Variants in ROR2 observed in about 807,000 individuals in gnomAD.
The protein encoded by ROR2 is tyrosine-protein kinase transmembrane receptor ROR2.
ROR2 carries 33 observed loss-of-function variants against 74.9 expected under a neutral mutation model. That is an observed-to-expected ratio of 0.44 (90% CI 0.33 to 0.59). ROR2 has a LOEUF of 0.59. Ranked by LOEUF, ROR2 falls within the 20% of genes least tolerant of loss-of-function variation. The probability of loss-of-function intolerance (pLI) is 0.02; values close to 1 mark genes in which losing one functional copy is unlikely to be tolerated. For synonymous variants in ROR2, 586 were observed against 558.7 expected (o/e 1.05, Z -0.69); for missense variants, 1,216 against 1,313.8 (o/e 0.93, Z 1.15).
At chr9:91,804,283 T>C (rs1827480491) in intron 1 of ROR2, among the ~76,000 whole-genome samples, 1 of 152,200 alleles carries the variant, frequency 6.6e-6, no homozygotes, top group Non-Finnish European at 1.5e-5. Context: ...CTCTCTCTCC[T>C]GTGTTCCAGC....
chr9:91,872,539 T>C (rs1043948484), intron 1 of ROR2, among the ~76,000 whole-genome samples: 1 of 152,250 alleles, frequency 6.6e-6, no homozygotes, highest in Non-Finnish European at 1.5e-5. Flanking sequence ...ACTAGTAAGT[T>C]ACCTCTTCTT....
intron 1 of ROR2, among the ~76,000 whole-genome samples, chr9:91,897,590 G>A (rs1358973531): frequency 2.0e-5 from 3 of 146,908 alleles, no homozygotes; most frequent in Non-Finnish European, 4.5e-5. Flanking sequence ...CAGGTGGGGG[G>A]AACCACCTGG....
chr9:91,752,557 T>C (rs1423999599), intron 4 of ROR2, among the ~76,000 whole-genome samples: 1 of 152,144 alleles, frequency 6.6e-6, no homozygotes, highest in Non-Finnish European at 1.5e-5. Context: ...AAAATCAGAA[T>C]AGTGGGTGCC....
chr9:91,802,655 T>A (rs1827425578), intron 1 of ROR2, among the ~76,000 whole-genome samples: 1 of 151,500 alleles, frequency 6.6e-6, no homozygotes, highest in Non-Finnish European at 1.5e-5. Flanking sequence ...AAACTCCAGT[T>A]TCAACAGCAC....
intron 1 of ROR2, among the ~76,000 whole-genome samples, chr9:91,858,971 G>C (rs572385857): frequency 1.3e-5 from 2 of 152,194 alleles, no homozygotes; most frequent in African/African-American, 4.8e-5. Flanking sequence ...GGTGTCACCG[G>C]GGACACCAGG....
chr9:91,820,687 C>T (rs2312732), intron 1 of ROR2, among the ~76,000 whole-genome samples: 71,169 of 152,070 alleles, frequency 0.47, 21,065 homozygotes, highest in African/African-American at 0.83. Context: ...CCCAAAATCA[C>T]ATATTGAAGT....
At chr9:91,781,261 C>G (rs925842611) in intron 1 of ROR2, among the ~76,000 whole-genome samples, 1 of 152,174 alleles carries the variant, frequency 6.6e-6, no homozygotes, top group African/African-American at 2.4e-5. Flanking sequence ...GTGCTGCAAA[C>G]CAGACACCCC....
chr9:91,738,192 A>G (rs1489711122), intron 4 of ROR2, among the ~76,000 whole-genome samples: 5 of 152,244 alleles, frequency 3.3e-5, no homozygotes, highest in Non-Finnish European at 7.3e-5. Flanking sequence ...GCTCAGCAGC[A>G]ATAAATGTCT....
At chr9:91,933,300 G>A (rs1436290164) in intron 1 of ROR2, among the ~76,000 whole-genome samples, 2 of 152,046 alleles carry the variant, frequency 1.3e-5, no homozygotes, top group Non-Finnish European at 2.9e-5. Flanking sequence ...TGGGCGACAG[G>A]GCCAGACTGT....
At chr9:91,784,943 A>AG (rs1826744884) in intron 1 of ROR2, among the ~76,000 whole-genome samples, 1 of 152,200 alleles carries the variant, frequency 6.6e-6, no homozygotes, top group East Asian at 1.9e-4. Context: ...CAGCACCTGA[A>AG]GAGCAGCATG....
At chr9:91,936,667 C>T (rs904920141) in intron 1 of ROR2, among the ~76,000 whole-genome samples, 2 of 152,128 alleles carry the variant, frequency 1.3e-5, no homozygotes, top group African/African-American at 2.4e-5. Context: ...ATTATAATGG[C>T]CATAAAAACT....
intron 3 of ROR2, 112 bp from the exon 4 acceptor site, chr9:91,756,213 G>A: frequency 2.0e-6 from 2 of 1,018,938 alleles, no homozygotes; most frequent in Non-Finnish European, 3.1e-6. Context: ...TCACTGGTGG[G>A]CAGCTGTCCT....
At chr9:91,812,329 A>G (rs1827780713) in intron 1 of ROR2, among the ~76,000 whole-genome samples, 1 of 152,100 alleles carries the variant, frequency 6.6e-6, no homozygotes, top group African/African-American at 2.4e-5. Context: ...CGTTGAGATT[A>G]CCCGATCCTT....
intron 5 of ROR2, among the ~76,000 whole-genome samples, chr9:91,736,890 T>A (rs1034009541): frequency 1.3e-5 from 2 of 152,168 alleles, no homozygotes; most frequent in Admixed American, 1.3e-4. Context: ...AAAGTGTGTG[T>A]TCACTGCAGC....
In ROR2 at chr9:91,757,526, T is replaced by C. The variant is rs772202601; in HGVS notation, c.209A>G (p.Asn70Ser). ...YFLNFLEPVN[N>S]ITIVQGQTAI... ...CGTCTGGCCTTGGACAATGGTGATA[T>C]TGTTTACTGGCTCCAGAAAATTCAG... The change falls in exon 3 of 9, where the codon AAT becomes AGT. Residue 70 changes from asparagine (N) to serine (S), a missense_variant. Coordinates refer to ENST00000375708, the MANE Select transcript of ROR2 (RefSeq NM_004560.4). 5 of 1,613,616 alleles carry C rather than the reference T, an allele frequency of 3.1e-6. No individual in the cohort carries two copies. The South Asian group carries it at 3.3e-5, about 11-fold the overall frequency.
intron 4 of ROR2, among the ~76,000 whole-genome samples, chr9:91,745,872 T>A (rs1825395834): frequency 6.6e-6 from 1 of 152,182 alleles, no homozygotes; most frequent in African/African-American, 2.4e-5. Flanking sequence ...TTAAGGAAAG[T>A]TGTATTTTCT....
In ROR2 at chr9:91,845,612, T is replaced by C. The variant is rs538914348; in HGVS notation, c.98-69794A>G. Among the ~76,000 whole-genome samples, 43 of 152,076 alleles carry C rather than the reference T, an allele frequency of 2.8e-4. 1 individual carries two copies. The East Asian group carries it at 7.8e-3, about 28-fold the overall frequency. ...TAACACACACCCAGGCTGGGCGCGG[T>C]TGCTCGCATCTGTAATCCCAGCACT... On this transcript the variant is annotated intron_variant, in intron 1 of 8. Transcript: ENST00000375708.
At chr9:91,770,094 C>A (rs1826180573) in intron 2 of ROR2, among the ~76,000 whole-genome samples, 1 of 152,038 alleles carries the variant, frequency 6.6e-6, no homozygotes, top group Non-Finnish European at 1.5e-5. Context: ...TGTGTCTAGA[C>A]CCTGTACTTT....
At chr9:91,858,990 G>A (rs555039480) in intron 1 of ROR2, among the ~76,000 whole-genome samples, 2 of 152,222 alleles carry the variant, frequency 1.3e-5, no homozygotes, top group Admixed American at 1.3e-4. Context: ...GGCAAACAGG[G>A]TTGCCACCAA....
Sources: gnomAD v4.1 joint callset for allele counts (sites outside exome capture counted in the v4.1 genomes callset) on GRCh38, gnomAD v4.1.1 for gene constraint, MANE v1.5 for transcripts, NCBI Gene and HGNC (gene_info 2026-07-23, HGNC 2026-07-21) for gene names.